The following PACS2 variants were observed in gnomAD, a reference collection of about 807,000 sequenced individuals.
PACS2 encodes the protein phosphofurin acidic cluster sorting protein 2.
A neutral mutation model predicts 113.0 loss-of-function variants in PACS2; 36 were observed. The observed-to-expected ratio is 0.32, with a 90% CI of 0.24 to 0.42. The LOEUF (loss-of-function observed/expected upper bound fraction) is 0.42. Among genes scored for constraint, PACS2 ranks in the 10% least tolerant of loss-of-function variants. PACS2 has a pLI of 1.00. For synonymous variants in PACS2, 589 were observed against 536.1 expected (o/e 1.10, Z -1.36); for missense variants, 1,015 against 1,239.5 (o/e 0.82, Z 2.72).
chr14:105,378,287 G>T (rs587629376), intron 9 of PACS2, among the ~76,000 whole-genome samples: 1 of 152,376 alleles, frequency 6.6e-6, no homozygotes, highest in Admixed American at 6.5e-5. Flanking sequence ...TTGAGGAGAG[G>T]CGTGTGCGTC....
At chr14:105,309,931 G>A (rs919219604), upstream of PACS2, among the ~76,000 whole-genome samples, 8 of 151,474 alleles carry the variant, frequency 5.3e-5, no homozygotes, top group Non-Finnish European at 8.8e-5. The surrounding 1 kb of genome is among the most constrained non-coding windows in gnomAD (Gnocchi z 4.0). Context: ...GACTACAGGC[G>A]CCCGCCACCA....
At chr14:105,368,278 C>A in intron 6 of PACS2, 131 bp downstream of exon 6, 1 of 820,056 alleles carries the variant, frequency 1.2e-6, no homozygotes, top group Non-Finnish European at 2.0e-6. Flanking sequence ...CCTGGTTGGC[C>A]GCCCATCTCT....
At chr14:105,352,541 C>A (rs1379578046) in intron 3 of PACS2, 74 bp downstream of exon 3, 16 of 834,112 alleles carry the variant, frequency 1.9e-5, no homozygotes, top group Non-Finnish European at 3.3e-5. Context: ...CATCACTGTC[C>A]CCTGGGGAGA....
rs1383621980 is a variant in PACS2, at chr14:105,366,727, G to T, written c.424-486G>T. 6.6e-6 allele frequency among the ~76,000 whole-genome samples: 1 copy of T among 152,180 alleles called. No homozygotes were observed. The highest frequency in any genetic ancestry group is 1.5e-5 in the Non-Finnish European group (1 of 68,014). On this transcript the variant is annotated intron_variant, in intron 4 of 24. Coordinates refer to ENST00000447393, the MANE Select transcript of PACS2 (RefSeq NM_001100913.3). The surrounding 1 kb of genome is among the most constrained non-coding windows in gnomAD (Gnocchi z 4.3). ...GGTCCCTGGGCATTGGCTCCTGTGG[G>T]TTGGGCAGCCGGCTTCACACACTGC...
chr14:105,364,557 T>C (rs1555407511), intron 4 of PACS2, among the ~76,000 whole-genome samples: 2 of 150,398 alleles, frequency 1.3e-5, no homozygotes, highest in African/African-American at 4.9e-5. Context: ...TGCTGCGATG[T>C]TGGCAAGAGG....
chr14:105,389,311 G>A (rs2081279937), intron 19 of PACS2: 1 of 152,966 alleles, frequency 6.5e-6, no homozygotes, highest in Non-Finnish European at 1.5e-5. Flanking sequence ...ACTGCCCGCT[G>A]AGTACATCAG....
chr14:105,395,051 G>C lies in PACS2; in HGVS notation c.*379G>C, dbSNP rs1236055187. The C allele has an allele frequency of 8.5e-6, 2 of 234,516 alleles. No homozygotes were observed. Among genetic ancestry groups the C allele is most frequent in the Non-Finnish European group, 1.7e-5 (2 of 117,050 alleles). The allele number at this position is 234,516 out of a possible 1,614,324, so 14.5% of individuals were successfully genotyped here. On this transcript the variant is annotated 3_prime_UTR_variant, in exon 25 of 25. Transcript: ENST00000447393. ...GGGAGCCCGGGGAAGGCGGAGCTCA[G>C]TGGCCACAGGCCGAGGGCCATGGGG...
Position 105,324,385 on chromosome 14 carries a change from CA to C in PACS2, c.119+9349del, listed in dbSNP as rs1459585107. ...GGTTGTACAGTGCTTTCCCCAGGACCAGGGGGCAGGGTGTGGCGTGCTTATT... is the reference window on the plus strand; with the variant it reads ...GGTTGTACAGTGCTTTCCCCAGGACCGGGGGCAGGGTGTGGCGTGCTTATT... On this transcript the variant is annotated intron_variant, in intron 1 of 24. Transcript: ENST00000447393. The surrounding 1 kb of genome is among the most constrained non-coding windows in gnomAD (Gnocchi z 4.7). 1.3e-5 allele frequency among the ~76,000 whole-genome samples: 2 copies of C among 152,174 alleles called. No homozygotes were observed. The highest frequency in any genetic ancestry group is 2.1e-4 in the South Asian group (1 of 4,812).
chr14:105,381,862 C>T, intron 12 of PACS2, 52 bp from the exon 13 acceptor site: 2 of 1,506,302 alleles, frequency 1.3e-6, no homozygotes, highest in Non-Finnish European at 1.8e-6. Context: ...GCCTCTGCCC[C>T]TGTTCCTGTT....
intron 1 of PACS2, among the ~76,000 whole-genome samples, chr14:105,333,591 G>A (rs1204457314): frequency 1.3e-5 from 2 of 152,234 alleles, no homozygotes; most frequent in African/African-American, 2.4e-5. Flanking sequence ...TTGGGCTTGC[G>A]GTGGCCACTT....
Position 105,356,012 on chromosome 14 carries a change from C to T in PACS2, c.423+835C>T, listed in dbSNP as rs587679496. Among the ~76,000 whole-genome samples the T allele has an allele frequency of 3.9e-5, 6 of 152,216 alleles. No homozygotes were observed. The East Asian group carries it at 9.7e-4, about 25-fold the overall frequency. ...GGGGCATGTGAAGCTGGGTTGCTGC[C>T]TGCCTGGGGCCTGGGAAGGTCAGCC... On this transcript the variant is annotated intron_variant, in intron 4 of 24. Coordinates refer to ENST00000447393, the MANE Select transcript of PACS2 (RefSeq NM_001100913.3). The surrounding 1 kb of genome is among the most constrained non-coding windows in gnomAD (Gnocchi z 4.0).
chr14:105,351,386 G>C (rs1194502082), intron 2 of PACS2, among the ~76,000 whole-genome samples: 1 of 152,136 alleles, frequency 6.6e-6, no homozygotes. Context: ...AAGCTCACTG[G>C]GTATGAACTG....
rs773646923 is a variant in PACS2, at chr14:105,330,727, G to A, written c.119+15690G>A. The stretch of plus-strand genomic sequence containing the variant: ...CTGTCTTTTCTCAGGCAATCGCCAT[G>A]GTACCCAGGGCTGGCCTTGTTTCAG... On this transcript the variant is annotated intron_variant, in intron 1 of 24. Coordinates refer to ENST00000447393, the MANE Select transcript of PACS2 (RefSeq NM_001100913.3). This position sits in a 1 kb window ranked among gnomAD's most constrained non-coding sequence, Gnocchi z 6.9. Among the ~76,000 whole-genome samples, 4 of 152,252 alleles carry A rather than the reference G, an allele frequency of 2.6e-5. No homozygotes were observed. Among genetic ancestry groups the A allele is most frequent in the Admixed American group, 1.3e-4 (2 of 15,288 alleles).
At chr14:105,361,807 G>T (rs1258106878) in intron 4 of PACS2, among the ~76,000 whole-genome samples, 2 of 152,138 alleles carry the variant, frequency 1.3e-5, no homozygotes, top group African/African-American at 4.8e-5. Flanking sequence ...AAATTAGCTG[G>T]GTGTGGTGGC....
Position 105,379,849 on chromosome 14 carries a change from T to C in PACS2, c.1050+20T>C. On this transcript the variant is annotated intron_variant, in intron 10 of 24. Transcript: ENST00000447393. ...AGCCCGGTGAGTGGGGCCACACTGA[T>C]CTCCCAGAGCAGACCGTGGTCTGAC... 1.2e-6 allele frequency: 2 copies of C among 1,606,286 alleles called. No individual in the cohort carries two copies. Among genetic ancestry groups the C allele is most frequent in the Non-Finnish European group, 1.7e-6 (2 of 1,173,832 alleles).
chr14:105,383,081 G>A (rs2081049295), intron 15 of PACS2, 168 bp downstream of exon 15: 3 of 627,542 alleles, frequency 4.8e-6, no homozygotes, highest in Non-Finnish European at 8.5e-6. Flanking sequence ...CCCCTCAGTT[G>A]TGGGCGGGAG....
At chr14:105,338,885 G>A (rs2059621880) in intron 1 of PACS2, among the ~76,000 whole-genome samples, 1 of 152,140 alleles carries the variant, frequency 6.6e-6, no homozygotes, top group Non-Finnish European at 1.5e-5. Flanking sequence ...CCTGCCTCCT[G>A]TCTTCCTACT....
chr14:105,311,077 C>G (rs1270399415), upstream of PACS2, among the ~76,000 whole-genome samples: 1 of 152,078 alleles, frequency 6.6e-6, no homozygotes, highest in Non-Finnish European at 1.5e-5. Context: ...CTCAGCCTCC[C>G]GAGTAGCTGG....
rs1383997079 is a variant in PACS2 at position 105,376,045 on chromosome 14, G to A, written c.802-723G>A. On this transcript the variant is annotated intron_variant, in intron 8 of 24. Coordinates refer to ENST00000447393, the MANE Select transcript of PACS2 (RefSeq NM_001100913.3). This position sits in a 1 kb window ranked among gnomAD's most constrained non-coding sequence, Gnocchi z 4.7. Reference sequence around the variant, plus strand: ...TTTATGGGGCAGCAGGTCGGAGTGGGTGCCTGCAGGGGAAATACAAGATGC... The same window carrying A: ...TTTATGGGGCAGCAGGTCGGAGTGGATGCCTGCAGGGGAAATACAAGATGC... Among the ~76,000 whole-genome samples the A allele has an allele frequency of 3.9e-5, 6 of 152,290 alleles. No individual in the cohort carries two copies. The highest frequency in any genetic ancestry group is 1.4e-4 in the African/African-American group (6 of 41,548).
Sources: gnomAD v4.1 joint callset for allele counts (sites outside exome capture counted in the v4.1 genomes callset) on GRCh38, gnomAD v4.1.1 for gene constraint, Gnocchi (gnomAD v3.1) non-coding constraint, MANE v1.5 for transcripts, NCBI Gene and HGNC (gene_info 2026-07-23, HGNC 2026-07-21) for gene names.